The following MON2 variants were observed in gnomAD, a reference collection of about 807,000 sequenced individuals.
MON2 encodes MON2 regulator of endosome-to-Golgi trafficking.
In MON2, 84 loss-of-function variants were observed where a neutral mutation model predicts 208.6. The observed-to-expected ratio is 0.40, with a 90% CI of 0.34 to 0.48. MON2 has a LOEUF of 0.48. Among genes scored for constraint, MON2 ranks in the 20% least tolerant of loss-of-function variants. The pLI, the probability that MON2 is intolerant of heterozygous loss-of-function variation, is 0.59. For synonymous variants in MON2, 660 were observed against 694.0 expected (o/e 0.95, Z 0.77); for missense variants, 1,611 against 2,015.4 (o/e 0.80, Z 3.84).
At chr12:62,569,399 A>T (rs769353286) in intron 29 of MON2, among the ~76,000 whole-genome samples, 2 of 152,234 alleles carry the variant, frequency 1.3e-5, no homozygotes, top group Non-Finnish European at 2.9e-5. Context: ...GAGGAAGGCC[A>T]TTATGACTGG....
chr12:62,585,921 G>A (rs1287507218), intron 33 of MON2, among the ~76,000 whole-genome samples: 1 of 152,046 alleles, frequency 6.6e-6, no homozygotes, highest in East Asian at 1.9e-4. Context: ...TCATTTGCAG[G>A]TTTCTCTCTG....
intron 10 of MON2, among the ~76,000 whole-genome samples, chr12:62,525,564 G>A (rs1461149189): frequency 8.2e-5 from 3 of 36,388 alleles, no homozygotes; most frequent in Non-Finnish European, 1.7e-4. Flanking sequence ...TCTCTTAAAG[G>A]GGTTAACATG....
chr12:62,596,592 G>A lies in MON2; in HGVS notation c.*3843G>A, dbSNP rs1282868140. 2 of 152,130 alleles carry A rather than the reference G, an allele frequency of 1.3e-5. No individual in the cohort carries two copies. Among genetic ancestry groups the A allele is most frequent in the Non-Finnish European group, 2.9e-5 (2 of 68,028 alleles). The allele number at this position is 152,130 out of a possible 1,614,324, so 9.4% of individuals were successfully genotyped here. A position where few individuals can be genotyped will look rare whatever the true frequency, so the allele number is the denominator to read the frequency against. On this transcript the variant is annotated 3_prime_UTR_variant, in exon 35 of 35. Coordinates refer to ENST00000393630, the MANE Select transcript of MON2 (RefSeq NM_015026.3). The stretch of plus-strand genomic sequence containing the variant: ...TTACTATGCTTAGTGTTCCTGGGTT[G>A]TATTTATCTACATTATTAGAGGGAA...
At chr12:62,488,068 C>T (rs1333576641) in intron 2 of MON2, among the ~76,000 whole-genome samples, 1 of 152,146 alleles carries the variant, frequency 6.6e-6, no homozygotes, top group Non-Finnish European at 1.5e-5. Context: ...ATAAATTACA[C>T]TAAGAGGCAA....
rs1291608409 is a variant in MON2, at chr12:62,598,179, C to G, written c.*5430C>G. 6.6e-6 allele frequency: 1 copy of G among 152,064 alleles called. No homozygotes were observed. Among genetic ancestry groups the G allele is most frequent in the East Asian group, 1.9e-4 (1 of 5,190 alleles). 9.4% of individuals were successfully genotyped at this position (152,064 alleles called of 1,614,324 possible). On this transcript the variant is annotated 3_prime_UTR_variant, in exon 35 of 35. Transcript: ENST00000393630. The stretch of plus-strand genomic sequence containing the variant: ...GTATTTGGTGTCTGTGTGATTGGTT[C>G]ACCCAGAGGTCACCCAGAGGTCAAT...
intron 20 of MON2, among the ~76,000 whole-genome samples, chr12:62,544,194 C>T (rs183279274): frequency 1.3e-5 from 2 of 152,076 alleles, no homozygotes; most frequent in African/African-American, 4.8e-5. Context: ...CCTATAATCC[C>T]AGCACTTTGG....
chr12:62,522,815 A>T lies in MON2; in HGVS notation c.985-1700A>T, dbSNP rs1335842992. On this transcript the variant is annotated intron_variant, in intron 8 of 34. Coordinates refer to ENST00000393630, the MANE Select transcript of MON2 (RefSeq NM_015026.3). Reference sequence around the variant, plus strand: ...ACTTTCACACTTGACAAGAAGAAACAAAAGGAGAACAAGGTTCTAGACTTC... The same window carrying T: ...ACTTTCACACTTGACAAGAAGAAACTAAAGGAGAACAAGGTTCTAGACTTC... Among the ~76,000 whole-genome samples the T allele has an allele frequency of 2.6e-5, 4 of 152,216 alleles. No homozygotes were observed. The South Asian group carries it at 8.3e-4, about 31-fold the overall frequency.
At chr12:62,476,877 G>A (rs1413416640) in intron 1 of MON2, among the ~76,000 whole-genome samples, 1 of 152,208 alleles carries the variant, frequency 6.6e-6, no homozygotes, top group Non-Finnish European at 1.5e-5. Context: ...CAGAGCAGGG[G>A]TTAGGTGTGG....
At chr12:62,511,982 A>C (rs549403047) in intron 8 of MON2, among the ~76,000 whole-genome samples, 12 of 135,542 alleles carry the variant, frequency 8.9e-5, no homozygotes, top group Middle Eastern at 7.4e-3. Flanking sequence ...AAGAGCGCTT[A>C]TGCAGGGAAA....
rs1287762626 is a variant in MON2, at chr12:62,560,970, C to A, written c.3889C>A (p.Gln1297Lys). Residue 1297 changes from glutamine to lysine, a missense_variant, in exon 26 of 35, where the codon CAA becomes AAA. By Grantham distance (53) the Gln-to-Lys change is moderately conservative. Transcript: ENST00000393630. ...IKTGFNMDDLQKLGVILHSAI... is the reference protein window; with the variant it reads ...IKTGFNMDDLKKLGVILHSAI... ...AACTGGTTTCAATATGGATGACTTG[C>A]AAAAGTTGGGAGTCATATTGCACAG... 6.2e-7 allele frequency: 1 copy of A among 1,613,952 alleles called. No individual in the cohort carries two copies. Among genetic ancestry groups the A allele is most frequent in the South Asian group, 1.1e-5 (1 of 91,068 alleles).
intron 11 of MON2, among the ~76,000 whole-genome samples, chr12:62,530,941 A>G (rs965200102): frequency 2.0e-5 from 3 of 152,236 alleles, no homozygotes; most frequent in African/African-American, 4.8e-5. Context: ...TGAGTATGAA[A>G]TGATATCTTA....
chr12:62,483,826 C>G (rs937525972), intron 1 of MON2, among the ~76,000 whole-genome samples: 2 of 152,084 alleles, frequency 1.3e-5, no homozygotes, highest in African/African-American at 4.8e-5. Context: ...GAAAAGGAGC[C>G]TAATTATTTT....
Position 62,588,114 on chromosome 12 carries a change from A to C in MON2, c.4948A>C (p.Ser1650Arg). ...TEIIFVLKAV[S>R]TLIDSLKKTQ... The stretch of plus-strand genomic sequence containing the variant: ...AATTATATTTGTTTTAAAAGCAGTC[A>C]GTACTCTTATTGATTCACTTAAGAA... The change falls in exon 34 of 35, where the codon AGT (serine) becomes CGT (arginine). Residue 1650 changes from serine to arginine, a missense_variant. Physicochemically the swap from Ser to Arg is moderately radical, Grantham distance 110. Coordinates refer to ENST00000393630, the MANE Select transcript of MON2 (RefSeq NM_015026.3). 1 of 1,584,380 alleles carries C rather than the reference A, an allele frequency of 6.3e-7. No homozygotes were observed. The highest frequency in any genetic ancestry group is 1.1e-5 in the South Asian group (1 of 89,672).
intron 2 of MON2, among the ~76,000 whole-genome samples, chr12:62,490,747 CT>C (rs1346243307): frequency 1.3e-5 from 2 of 151,874 alleles, no homozygotes; most frequent in African/African-American, 4.8e-5. Context: ...TATAAACTTC[CT>C]TTTTGATTAT....
chr12:62,527,634 A>G (rs2072401508), intron 11 of MON2, among the ~76,000 whole-genome samples: 1 of 152,140 alleles, frequency 6.6e-6, no homozygotes, highest in African/African-American at 2.4e-5. Flanking sequence ...TTGCCTTCAT[A>G]GAGCTTACAC....
intron 18 of MON2, 33 bp downstream of exon 18, chr12:62,538,358 T>C (rs1186032192): frequency 6.3e-7 from 1 of 1,585,968 alleles, no homozygotes; most frequent in Non-Finnish European, 8.7e-7. Flanking sequence ...GATAAAAACA[T>C]TGTTATTTGT....
intron 33 of MON2, among the ~76,000 whole-genome samples, chr12:62,587,683 G>A (rs1446123407): frequency 3.9e-5 from 6 of 152,060 alleles, no homozygotes; most frequent in Non-Finnish European, 4.4e-5. Flanking sequence ...AGGCTGCAGT[G>A]AGCTGTGATC....
At chr12:62,582,118 A>G (rs1035715032) in intron 32 of MON2, among the ~76,000 whole-genome samples, 5 of 152,186 alleles carry the variant, frequency 3.3e-5, no homozygotes, top group African/African-American at 1.2e-4. Flanking sequence ...CCAACTTTTT[A>G]TTATTAAGAG....
intron 11 of MON2, among the ~76,000 whole-genome samples, chr12:62,530,624 T>C (rs2072589555): frequency 6.6e-6 from 1 of 152,214 alleles, no homozygotes; most frequent in South Asian, 2.1e-4. Context: ...ATGGAATCAC[T>C]TTTTTTAAGT....
Sources: allele counts gnomAD v4.1 joint callset (sites outside exome capture counted in the v4.1 genomes callset), GRCh38; gene constraint gnomAD v4.1.1; transcripts MANE v1.5; gene names NCBI Gene and HGNC (gene_info 2026-07-23, HGNC 2026-07-21).